Variants in IARS1 observed in about 807,000 individuals in gnomAD.
IARS1 encodes the protein isoleucyl-tRNA synthetase 1.
Under a neutral mutation model 168.2 loss-of-function variants are expected in IARS1, and 124 were observed. That is an observed-to-expected ratio of 0.74 (90% confidence interval 0.64 to 0.86). The LOEUF (loss-of-function observed/expected upper bound fraction) is 0.86. Among genes scored for constraint, IARS1 ranks in the 40% least tolerant of loss-of-function variants. The probability of loss-of-function intolerance (pLI) is 0.00; values close to 1 mark genes in which losing one functional copy is unlikely to be tolerated. For missense variants in IARS1, 1,452 were observed against 1,515.8 expected, an observed-to-expected ratio of 0.96 and a Z score of 0.70; for synonymous variants, 532 against 529.4, an observed-to-expected ratio of 1.00 and a Z score of -0.07.
chr9:92,269,402 G>T (rs1422254994), intron 13 of IARS1, among the ~76,000 whole-genome samples: 1 of 152,196 alleles, frequency 6.6e-6, no homozygotes, highest in East Asian at 1.9e-4. Context: ...TCACCTGCAG[G>T]ACACATATCA....
intron 6 of IARS1, among the ~76,000 whole-genome samples, chr9:92,282,861 T>A (rs1834848271): frequency 9.1e-6 from 1 of 109,720 alleles, no homozygotes; most frequent in Admixed American, 9.2e-5. Context: ...TATATATATA[T>A]TTTTTTTTTT....
intron 6 of IARS1, among the ~76,000 whole-genome samples, 177 bp from the exon 7 acceptor site, chr9:92,281,070 C>G (rs543122934): frequency 8.6e-5 from 13 of 151,290 alleles, no homozygotes; most frequent in Non-Finnish European, 1.5e-5. Context: ...TTTTTAAATA[C>G]TTTAAAAAAT....
chr9:92,224,539 G>T lies in IARS1; in HGVS notation c.3410-1050C>A, dbSNP rs188834994. 5.6e-4 allele frequency among the ~76,000 whole-genome samples: 85 copies of T among 152,290 alleles called. 1 individual carries two copies. The highest frequency in any genetic ancestry group is 1.7e-3 in the African/African-American group (71 of 41,570). ...TACAAATGGGCAGACTATGAATGAG[G>T]ATCTAAAAATGGGTGAGGCTGGGCA... On this transcript the variant is annotated intron_variant, in intron 31 of 33. Coordinates refer to ENST00000443024, the MANE Select transcript of IARS1 (RefSeq NM_002161.6).
At chr9:92,234,548 C>G (rs974015057) in intron 30 of IARS1, among the ~76,000 whole-genome samples, 6 of 152,184 alleles carry the variant, frequency 3.9e-5, no homozygotes, top group African/African-American at 1.4e-4. Context: ...CCTGTCTTAT[C>G]ACTGCTCATG....
intron 9 of IARS1, among the ~76,000 whole-genome samples, chr9:92,274,739 C>A (rs1201737013): frequency 6.6e-6 from 1 of 152,172 alleles, no homozygotes; most frequent in Non-Finnish European, 1.5e-5. Context: ...AAATAATTAT[C>A]TGGAGAATGG....
chr9:92,263,798 C>G (rs367683021), intron 16 of IARS1, among the ~76,000 whole-genome samples: 1 of 152,182 alleles, frequency 6.6e-6, no homozygotes, highest in Non-Finnish European at 1.5e-5. Flanking sequence ...AGGACTGTTA[C>G]CAGCTAACAG....
intron 7 of IARS1, among the ~76,000 whole-genome samples, chr9:92,279,073 T>A (rs1834152783): frequency 6.6e-6 from 1 of 152,170 alleles, no homozygotes; most frequent in Non-Finnish European, 1.5e-5. Flanking sequence ...CAATTTAAAC[T>A]CTCATCATAA....
chr9:92,292,427 A>G (rs573093612), intron 1 of IARS1: 1 of 154,224 alleles, frequency 6.5e-6, no homozygotes, highest in Admixed American at 6.5e-5. Context: ...AAGCATAAAC[A>G]CTCAGTATAA....
At chr9:92,289,518 C>G in intron 1 of IARS1, 92 bp from the exon 2 acceptor site, 1 of 685,044 alleles carries the variant, frequency 1.5e-6, no homozygotes, top group East Asian at 2.6e-5. Context: ...TGACACTATC[C>G]ATACTTTTAA....
chr9:92,212,156 T>C (rs550927292), intron 33 of IARS1, among the ~76,000 whole-genome samples: 3 of 152,312 alleles, frequency 2.0e-5, no homozygotes, highest in African/African-American at 4.8e-5. Context: ...TTACAGGACC[T>C]GGAGATGATG....
chr9:92,243,227 G>A lies in IARS1; in HGVS notation c.2989C>T (p.Leu997Phe), dbSNP rs768376628. 2 of 1,613,074 alleles carry A rather than the reference G, an allele frequency of 1.2e-6. No individual in the cohort carries two copies. The highest frequency in any genetic ancestry group is 2.2e-5 in the South Asian group (2 of 91,068). ...AREVINRIQKLRKKCNLVPTD... is the reference protein window; with the variant it reads ...AREVINRIQKFRKKCNLVPTD... ...ACTGACAAACTAACCTTTTTGCGAA[G>A]TTTCTGTATGCGATTGATGACTTCC... Residue 997 changes from leucine (L) to phenylalanine (F), a missense_variant, in exon 28 of 34, where the codon CTT becomes TTT. Physicochemically the swap from Leu to Phe is conservative, Grantham distance 22 (BLOSUM62 0). Coordinates refer to ENST00000443024, the MANE Select transcript of IARS1 (RefSeq NM_002161.6).
At chr9:92,286,949 A>C (rs1198002044) in intron 4 of IARS1, among the ~76,000 whole-genome samples, 2 of 152,064 alleles carry the variant, frequency 1.3e-5, no homozygotes, top group African/African-American at 2.4e-5. Flanking sequence ...AATGTATGAC[A>C]AAAAAAAGAA....
rs764509770 is a variant in IARS1 at position 92,265,494 on chromosome 9, ATC to A, written c.1489_1490del (p.Asp497SerfsTer7). 3.1e-6 allele frequency: 5 copies of A among 1,613,892 alleles called. No individual in the cohort carries two copies. The highest frequency in any genetic ancestry group is 3.4e-6 in the Non-Finnish European group (4 of 1,179,868). ...TAGAAACTGACCTCTCTCTGTGGAG[ATC>A]TGAGATCTTTGCTCCTGACAGTTCT... ...LEELSGAKIS[D>X]LHRESVDHLT... On this transcript the variant is annotated frameshift_variant, in exon 15 of 34. Transcript: ENST00000443024. LOFTEE classifies it high-confidence loss of function.
chr9:92,276,395 A>G (rs1028134170), intron 9 of IARS1, among the ~76,000 whole-genome samples: 5 of 152,240 alleles, frequency 3.3e-5, no homozygotes, highest in African/African-American at 1.2e-4. Flanking sequence ...CAGCTCTGCC[A>G]CATACCGACT....
At chr9:92,212,950 A>C (rs1388921985) in intron 33 of IARS1, among the ~76,000 whole-genome samples, 1 of 152,158 alleles carries the variant, frequency 6.6e-6, no homozygotes, top group East Asian at 1.9e-4. Context: ...TGAAGAGTAC[A>C]GACTGCAGAC....
At chr9:92,268,385 A>G in intron 13 of IARS1, 85 bp from the exon 14 acceptor site, 2 of 1,399,500 alleles carry the variant, frequency 1.4e-6, no homozygotes, top group South Asian at 2.5e-5. Context: ...GCCTTTGTAT[A>G]ACGCTTTGTG....
At chr9:92,243,146 C>T (rs1828686984) in intron 28 of IARS1, 70 bp downstream of exon 28, 5 of 1,070,220 alleles carry the variant, frequency 4.7e-6, no homozygotes, top group South Asian at 3.9e-5. Context: ...CCTGCCTCTC[C>T]TATCTTCTCC....
At chr9:92,212,531 C>G (rs1356437054) in intron 33 of IARS1, among the ~76,000 whole-genome samples, 2 of 152,158 alleles carry the variant, frequency 1.3e-5, no homozygotes, top group Admixed American at 6.5e-5. Flanking sequence ...CTACCCCTGA[C>G]CAGGTTCAAT....
intron 31 of IARS1, among the ~76,000 whole-genome samples, chr9:92,225,041 G>A (rs1249167746): frequency 2.6e-5 from 4 of 152,002 alleles, no homozygotes; most frequent in Non-Finnish European, 5.9e-5. Context: ...TACCAACAGC[G>A]GGAACCATTA....
Sources: allele counts gnomAD v4.1 joint callset (sites outside exome capture counted in the v4.1 genomes callset), GRCh38; gene constraint gnomAD v4.1.1; transcripts MANE v1.5; gene names NCBI Gene and HGNC (gene_info 2026-07-23, HGNC 2026-07-21).